MYCBPAP: variants seen among roughly 807,000 people sequenced by gnomAD.
The protein encoded by MYCBPAP is MYCBP-associated protein.
MYCBPAP carries 60 observed loss-of-function variants against 106.1 expected under a neutral mutation model. That is an observed-to-expected ratio of 0.57 (90% CI 0.46 to 0.70). The LOEUF is 0.70. Ranked by LOEUF, MYCBPAP falls within the 30% of genes least tolerant of loss-of-function variation. MYCBPAP has a pLI of 0.00. For synonymous variants in MYCBPAP, 407 were observed against 440.6 expected, an observed-to-expected ratio of 0.92 and a Z score of 0.95; for missense variants, 1,064 against 1,169.3, an observed-to-expected ratio of 0.91 and a Z score of 1.31.
chr17:50,517,371 A>G lies in MYCBPAP; in HGVS notation c.283A>G (p.Met95Val), dbSNP rs756388380. 17 of 1,613,966 alleles carry G rather than the reference A, an allele frequency of 1.1e-5. No homozygotes were observed. The highest frequency in any genetic ancestry group is 3.3e-5 in the South Asian group (3 of 91,080). The change falls in exon 3 of 19, where the codon ATG becomes GTG. Residue 95 changes from methionine to valine, a missense_variant. Physicochemically the swap from Met to Val is conservative, Grantham distance 21. Coordinates refer to ENST00000323776, the MANE Select transcript of MYCBPAP (RefSeq NM_032133.6). ...ATTTATCATCCGTAAACTCAAACCC[A>G]TGGATCCTAGGAGGAAGGTCTGCCA... The part of the protein sequence containing the change: ...QKFIIRKLKP[M>V]DPRRKVCHLV...
chr17:50,517,797 C>A, intron 4 of MYCBPAP, 99 bp downstream of exon 4: 2 of 992,982 alleles, frequency 2.0e-6, no homozygotes, highest in Admixed American at 1.9e-5. Flanking sequence ...AAGAGACAGT[C>A]TAGTCTGTAG....
chr17:50,518,455 C>T, intron 4 of MYCBPAP, 86 bp from the exon 5 acceptor site: 1 of 1,220,738 alleles, frequency 8.2e-7, no homozygotes, highest in South Asian at 1.8e-5. Flanking sequence ...GGGATAACAG[C>T]ACGGGTTTAG....
In MYCBPAP at chr17:50,518,622, G is replaced by C. The variant is rs763287817; in HGVS notation, c.550G>C (p.Glu184Gln). 8 of 1,611,188 alleles carry C rather than the reference G, an allele frequency of 5.0e-6. No individual in the cohort carries two copies. The South Asian group carries it at 8.8e-5, about 18-fold the overall frequency. Residue 184 changes from glutamate (E) to glutamine (Q), a missense_variant, in exon 5 of 19, where the codon GAA becomes CAA. Transcript: ENST00000323776. ...EGESKQKAPK[E>Q]EKRPPWAPPP... ...AGAGTCAAAGCAAAAAGCCCCAAAA[G>C]AAGAGAAGAGACCTCCCTGGGCCCC...
Position 50,525,947 on chromosome 17 carries a change from G to T in MYCBPAP, c.1849G>T (p.Ala617Ser). 2 of 1,613,622 alleles carry T rather than the reference G, an allele frequency of 1.2e-6. No individual in the cohort carries two copies. Among genetic ancestry groups the T allele is most frequent in the South Asian group, 1.1e-5 (1 of 91,074 alleles). ...QLWRQYMTLP[A>S]KAEEARPGDK... ...GTGGCGCCAGTACATGACCCTGCCC[G>T]CCAAGGCTGAGGAGGCCAGGCCAGG... The change falls in exon 14 of 19, where the codon GCC (alanine) becomes TCC (serine). Residue 617 changes from alanine (A) to serine (S), a missense_variant. By Grantham distance (99) the Ala-to-Ser change is moderately conservative. Coordinates refer to ENST00000323776, the MANE Select transcript of MYCBPAP (RefSeq NM_032133.6).
chr17:50,525,006 C>A lies in MYCBPAP; in HGVS notation c.1765C>A (p.Arg589=). The A allele has an allele frequency of 6.2e-7, 1 of 1,613,268 alleles. No homozygotes were observed. The stretch of plus-strand genomic sequence containing the variant: ...CTATCTCACCGAGGAAGACTTGTTC[C>A]GGCACAGAAATCCTCCGGTGAGGCC... The part of the protein sequence containing the change: ...DAYLTEEDLF[R]HRNPPLHYEH... The change falls in exon 13 of 19, where the codon CGG becomes AGG. Residue 589 remains arginine, a synonymous_variant. Coordinates refer to ENST00000323776, the MANE Select transcript of MYCBPAP (RefSeq NM_032133.6).
At chr17:50,521,035 C>A in intron 7 of MYCBPAP, 75 bp from the exon 8 acceptor site, 1 of 1,210,200 alleles carries the variant, frequency 8.3e-7, no homozygotes, top group Non-Finnish European at 1.2e-6. Context: ...TAGGCACTCT[C>A]AGAGCCCTTG....
intron 12 of MYCBPAP, 142 bp from the exon 13 acceptor site, chr17:50,524,735 T>TGAGAGAGAGAGAGAGA (rs1023452414): frequency 4.3e-6 from 1 of 234,892 alleles, no homozygotes; most frequent in African/African-American, 6.0e-5. Context: ...TGTGTGTGTG[T>TGAGAGAGAGAGAGAGA]GTGAGAGAGA....
chr17:50,527,668 A>C (rs1356233853), intron 15 of MYCBPAP, among the ~76,000 whole-genome samples: 4 of 152,158 alleles, frequency 2.6e-5, no homozygotes, highest in Admixed American at 2.6e-4. Flanking sequence ...GGGAATGGAA[A>C]AAGGAGAAGC....
At chr17:50,518,884 C>A in intron 5 of MYCBPAP, 90 bp from the exon 6 acceptor site, 2 of 1,449,058 alleles carry the variant, frequency 1.4e-6, no homozygotes, top group Non-Finnish European at 9.7e-7. Context: ...CTGAAATCAG[C>A]CCTGTGAGGG....
In MYCBPAP at chr17:50,526,126, G is replaced by A; in HGVS notation, c.2028G>A (p.Gly676=). The change falls in exon 14 of 19, where the codon GGG becomes GGA. Residue 676 remains glycine, a synonymous_variant. Coordinates refer to ENST00000323776, the MANE Select transcript of MYCBPAP (RefSeq NM_032133.6). ...CCGGGTCCCAGAAGGCCAGAGTGGG[G>A]ACCAAGAGTCCTCAGCGGAAGAGCA... is the stretch of plus-strand genomic sequence containing the variant. ...RESGSQKARV[G]TKSPQRKSIM... The A allele has an allele frequency of 6.2e-7, 1 of 1,613,870 alleles. No homozygotes were observed. Among genetic ancestry groups the A allele is most frequent in the Non-Finnish European group, 8.5e-7 (1 of 1,180,042 alleles).
intron 11 of MYCBPAP, 101 bp downstream of exon 11, chr17:50,523,229 T>C: frequency 8.4e-7 from 1 of 1,195,518 alleles, no homozygotes; most frequent in Non-Finnish European, 1.2e-6. Context: ...CCTGTAAGTT[T>C]GAGCCCTGCT....
chr17:50,528,234 A>G lies in MYCBPAP; in HGVS notation c.2371A>G (p.Lys791Glu). ...WLRSVLGLPE[K>E]ETIYLNVPEE... Reference sequence around the variant, plus strand: ...GAGGTCTGTGCTGGGCCTGCCTGAGAAGGAGACCATCTATTTGAATGTGCC... The same window carrying G: ...GAGGTCTGTGCTGGGCCTGCCTGAGGAGGAGACCATCTATTTGAATGTGCC... Residue 791 changes from lysine to glutamate, a missense_variant, in exon 16 of 19, where the codon AAG becomes GAG. Physicochemically the swap from Lys to Glu is moderately conservative, Grantham distance 56 (BLOSUM62 1). Transcript: ENST00000323776. 6.2e-7 allele frequency: 1 copy of G among 1,614,042 alleles called. No individual in the cohort carries two copies. Among genetic ancestry groups the G allele is most frequent in the Non-Finnish European group, 8.5e-7 (1 of 1,179,968 alleles).
At chr17:50,527,695 GA>G (rs1230849392) in intron 15 of MYCBPAP, among the ~76,000 whole-genome samples, 2 of 152,204 alleles carry the variant, frequency 1.3e-5, no homozygotes, top group African/African-American at 4.8e-5. Context: ...GCAGGAAGAA[GA>G]CGGGGGGCAG....
Position 50,529,702 on chromosome 17 carries a change from T to C in MYCBPAP, c.2724+514T>C, listed in dbSNP as rs145006552. 1,365 of 454,136 alleles carry C rather than the reference T, an allele frequency of 3.0e-3. 16 individuals are homozygous for C. The highest frequency in any genetic ancestry group is 0.025 in the African/African-American group (1,252 of 50,134). The allele number at this position is 454,136 out of a possible 1,614,324, so 28.1% of individuals were successfully genotyped here. ...TTAGAAGGTGGCTCTGGCCGCCCTTTGGAGAACAGACTCTAGGGGAACAGA... is the reference window on the plus strand; with the variant it reads ...TTAGAAGGTGGCTCTGGCCGCCCTTCGGAGAACAGACTCTAGGGGAACAGA... On this transcript the variant is annotated intron_variant, in intron 18 of 18. Transcript: ENST00000323776.
At chr17:50,512,370 G>A (rs528321762) in intron 1 of MYCBPAP, among the ~76,000 whole-genome samples, 77 of 152,176 alleles carry the variant, frequency 5.1e-4, no homozygotes, top group African/African-American at 1.8e-3. Context: ...CAAGTTTTCT[G>A]TGTTATCGTG....
intron 1 of MYCBPAP, among the ~76,000 whole-genome samples, chr17:50,510,947 C>T (rs1244859226): frequency 6.6e-6 from 1 of 152,014 alleles, no homozygotes; most frequent in African/African-American, 2.4e-5. Flanking sequence ...CAGATTTGAA[C>T]TGCTGTAAAC....
chr17:50,521,083 G>A, intron 7 of MYCBPAP, 27 bp from the exon 8 acceptor site: 1 of 1,585,004 alleles, frequency 6.3e-7, no homozygotes, highest in Non-Finnish European at 8.6e-7. Flanking sequence ...AGCAGCCTGT[G>A]CTGAGGGTCC....
In MYCBPAP at chr17:50,528,189, G is replaced by A. The variant is rs746023806; in HGVS notation, c.2326G>A (p.Val776Met). 6.2e-7 allele frequency: 1 copy of A among 1,614,204 alleles called. No individual in the cohort carries two copies. The change falls in exon 16 of 19, where the codon GTG (valine) becomes ATG (methionine). Residue 776 changes from valine (V) to methionine (M), a missense_variant. By Grantham distance (21) the Val-to-Met change is conservative (BLOSUM62 1). Transcript: ENST00000323776. Reference protein sequence around the residue: ...QLWRDVIDSLVGHSMWLRSVL... With the variant: ...QLWRDVIDSLMGHSMWLRSVL... ...GTGGCGAGATGTGATTGACAGCCTGGTGGGCCATTCCATGTGGCTGAGGTC... is the reference window on the plus strand; with the variant it reads ...GTGGCGAGATGTGATTGACAGCCTGATGGGCCATTCCATGTGGCTGAGGTC...
chr17:50,520,985 G>A (rs1295221375), intron 7 of MYCBPAP, 125 bp from the exon 8 acceptor site: 1 of 720,862 alleles, frequency 1.4e-6, no homozygotes, highest in African/African-American at 1.8e-5. Flanking sequence ...CTGCCACAGG[G>A]AAGCTGTATT....
Sources: allele counts gnomAD v4.1 joint callset (sites outside exome capture counted in the v4.1 genomes callset), GRCh38; gene constraint gnomAD v4.1.1; transcripts MANE v1.5; gene names NCBI Gene and HGNC (gene_info 2026-07-23, HGNC 2026-07-21).